Variants in RCOR1 observed in about 807,000 individuals in gnomAD.
The protein encoded by RCOR1 is REST corepressor 1, also known as REST corepressor.
In RCOR1, 12 loss-of-function variants were observed where a neutral mutation model predicts 64.0. The ratio of observed to expected loss-of-function variants is 0.19; its 90% CI spans 0.12 to 0.30. The LOEUF (loss-of-function observed/expected upper bound fraction) is 0.30, where lower values mean the gene tolerates loss of function less well. RCOR1 is among the 10% of genes least tolerant of loss of function. The pLI, the probability that RCOR1 is intolerant of heterozygous loss-of-function variation, is 1.00. For missense variants in RCOR1, 502 were observed against 621.2 expected (o/e 0.81, Z 2.04); for synonymous variants, 279 against 227.2 (o/e 1.23, Z -2.05).
intron 3 of RCOR1, among the ~76,000 whole-genome samples, chr14:102,693,708 T>C (rs1431690792): frequency 1.3e-5 from 2 of 152,220 alleles, no homozygotes; most frequent in Non-Finnish European, 2.9e-5. Context: ...AGAATCAAGA[T>C]TATTGCTGCC....
At chr14:102,622,392 C>T (rs953310176) in intron 2 of RCOR1, among the ~76,000 whole-genome samples, 3 of 152,168 alleles carry the variant, frequency 2.0e-5, no homozygotes, top group Admixed American at 6.5e-5. Flanking sequence ...CTACCCTCAC[C>T]CACAGCTTCC....
intron 2 of RCOR1, among the ~76,000 whole-genome samples, chr14:102,668,393 A>C (rs1894959439): frequency 6.6e-6 from 1 of 152,238 alleles, no homozygotes; most frequent in African/African-American, 2.4e-5. Context: ...AGGTCAGGTA[A>C]GCAGTGGCAG....
intron 2 of RCOR1, among the ~76,000 whole-genome samples, chr14:102,671,395 T>C (rs1895030120): frequency 6.6e-6 from 1 of 152,022 alleles, no homozygotes; most frequent in Non-Finnish European, 1.5e-5. Context: ...GTGTTTTGTT[T>C]GTTTGTTTGT....
intron 7 of RCOR1, 138 bp downstream of exon 7, chr14:102,711,151 TACTG>T: frequency 1.6e-6 from 1 of 612,386 alleles, no homozygotes; most frequent in Non-Finnish European, 2.9e-6. Context: ...TTTTCAACAA[TACTG>T]TCTTTGCTTT....
rs551478519 is a variant in RCOR1, at chr14:102,604,194, G to C, written c.361+10869G>C. 2.0e-5 allele frequency among the ~76,000 whole-genome samples: 3 copies of C among 152,248 alleles called. No individual in the cohort carries two copies. In the South Asian group the frequency reaches 6.2e-4, roughly 32 times the overall value. On this transcript the variant is annotated intron_variant, in intron 2 of 11. Coordinates refer to ENST00000262241, the MANE Select transcript of RCOR1 (RefSeq NM_015156.4). Reference sequence around the variant, plus strand: ...TATTAGCTAGTTGACCCAAATCACAGTGCTGGATGACTTGAAAAGCTCTGA... The same window carrying C: ...TATTAGCTAGTTGACCCAAATCACACTGCTGGATGACTTGAAAAGCTCTGA...
At chr14:102,618,081 C>T (rs1323552548) in intron 2 of RCOR1, among the ~76,000 whole-genome samples, 1 of 147,946 alleles carries the variant, frequency 6.8e-6, no homozygotes, top group Non-Finnish European at 1.5e-5. Flanking sequence ...TCAAGTGATT[C>T]CCGTGCCTCA....
At chr14:102,710,671 T>C (rs1008860753) in intron 6 of RCOR1, 2 of 410,520 alleles carry the variant, frequency 4.9e-6, no homozygotes, top group East Asian at 5.2e-5. Context: ...AGCAATAGTG[T>C]TTTAGATCTG....
chr14:102,698,862 A>G (rs766025496), intron 3 of RCOR1, among the ~76,000 whole-genome samples: 1 of 151,958 alleles, frequency 6.6e-6, no homozygotes, highest in African/African-American at 2.4e-5. Context: ...TTTATTTGGC[A>G]TAATCTAATG....
Position 102,714,489 on chromosome 14 carries a change from G to A in RCOR1, c.925G>A (p.Ala309Thr). The change falls in exon 8 of 12, where the codon GCA becomes ACA. Residue 309 changes from alanine to threonine, a missense_variant. Ala to Thr is a moderately conservative substitution (Grantham distance 58). This residue lies in a region of RCOR1 where 260 missense variants were observed against 416.4 expected (regional missense o/e 0.62). Coordinates refer to ENST00000262241, the MANE Select transcript of RCOR1 (RefSeq NM_015156.4). ...EKHSTQAKNR[A>T]KRKPPKGMFL... ...ACATAGCACACAAGCTAAAAATAGA[G>A]CAAAAAGGAAACCTCCAAAAGGAAT... The A allele has an allele frequency of 6.2e-7, 1 of 1,613,804 alleles. No individual in the cohort carries two copies. The highest frequency in any genetic ancestry group is 8.5e-7 in the Non-Finnish European group (1 of 1,179,814).
chr14:102,704,256 A>G (rs1895805973), intron 4 of RCOR1, among the ~76,000 whole-genome samples: 1 of 152,226 alleles, frequency 6.6e-6, no homozygotes, highest in African/African-American at 2.4e-5. Context: ...TGCTCATTCC[A>G]GTGGAAGATG....
chr14:102,669,921 T>C (rs1894998424), intron 2 of RCOR1, among the ~76,000 whole-genome samples: 1 of 152,114 alleles, frequency 6.6e-6, no homozygotes, highest in Non-Finnish European at 1.5e-5. Flanking sequence ...ATATTGAAAG[T>C]ATGGGTGGCC....
At chr14:102,671,623 G>C (rs1024465424) in intron 2 of RCOR1, among the ~76,000 whole-genome samples, 2 of 152,082 alleles carry the variant, frequency 1.3e-5, no homozygotes, top group Admixed American at 1.3e-4. Context: ...TTGAACTTCT[G>C]GCCTCAGCTG....
intron 2 of RCOR1, among the ~76,000 whole-genome samples, chr14:102,613,885 CTTTTTTTTTTTTTTTT>C (rs71119719): frequency 7.2e-5 from 4 of 55,498 alleles, no homozygotes; most frequent in African/African-American, 2.6e-4. Context: ...ATTAACTATT[CTTTTTTTTTTTTTTTT>C]TTTTTTTTGA....
intron 2 of RCOR1, among the ~76,000 whole-genome samples, chr14:102,673,584 CTT>C: frequency 6.6e-6 from 1 of 152,138 alleles, no homozygotes; most frequent in South Asian, 2.1e-4. Flanking sequence ...ATCCGCCCGC[CTT>C]GGCCTCCCAA....
rs925890234 is a variant in RCOR1 at position 102,607,651 on chromosome 14, A to G, written c.361+14326A>G. ...GTAATCCCAGCACTTTGAGAGGCTG[A>G]GGTGGGCAGATCACGAGGTCAGGAG... On this transcript the variant is annotated intron_variant, in intron 2 of 11. Coordinates refer to ENST00000262241, the MANE Select transcript of RCOR1 (RefSeq NM_015156.4). Among the ~76,000 whole-genome samples the G allele has an allele frequency of 1.2e-3, 185 of 152,220 alleles. 4 individuals carry two copies. The highest frequency in any genetic ancestry group is 1.8e-4 in the Non-Finnish European group (12 of 68,004).
Position 102,708,755 on chromosome 14 carries a change from C to T in RCOR1, c.779+172C>T, listed in dbSNP as rs1317536852. The stretch of plus-strand genomic sequence containing the variant: ...ATTATTCAGGTATTTTTTCTCACCA[C>T]TCTTTCCCTGCAGTCAGTGAACTTC... On this transcript the variant is annotated intron_variant, in intron 6 of 11. Transcript: ENST00000262241. Among the ~76,000 whole-genome samples, 3 of 152,236 alleles carry T rather than the reference C, an allele frequency of 2.0e-5. No homozygotes were observed. In the East Asian group the frequency reaches 5.8e-4, roughly 29 times the overall value.
chr14:102,695,544 G>GTTTGTT (rs772825613), intron 3 of RCOR1: 2 of 152,164 alleles, frequency 1.3e-5, no homozygotes, highest in Non-Finnish European at 2.9e-5. Flanking sequence ...CATAGAGGTT[G>GTTTGTT]TTTGTTTTTG....
At chr14:102,675,544 C>T (rs1211765093) in intron 2 of RCOR1, among the ~76,000 whole-genome samples, 3 of 152,164 alleles carry the variant, frequency 2.0e-5, no homozygotes, top group Non-Finnish European at 2.9e-5. Context: ...TAAGATGACC[C>T]AAGTGACTAA....
chr14:102,684,492 C>T (rs1895374094), intron 3 of RCOR1, among the ~76,000 whole-genome samples: 2 of 152,058 alleles, frequency 1.3e-5, no homozygotes, highest in African/African-American at 2.4e-5. Flanking sequence ...TGAACAAAGT[C>T]CACTAGCGAG....
Sources: allele counts gnomAD v4.1 joint callset (sites outside exome capture counted in the v4.1 genomes callset), GRCh38; gene constraint gnomAD v4.1.1; regional missense constraint gnomAD v4.1.1; transcripts MANE v1.5; gene names NCBI Gene and HGNC (gene_info 2026-07-23, HGNC 2026-07-21).